Variants in SAMMSON observed in about 807,000 individuals in gnomAD.
SAMMSON encodes survival associated mitochondrial melanoma specific oncogenic non-coding RNA.
chr3:70,303,349 C>T (rs1702368008), intron 7 of SAMMSON, among the ~76,000 whole-genome samples: 1 of 152,058 alleles, frequency 6.6e-6, no homozygotes, highest in Non-Finnish European at 1.5e-5. Flanking sequence ...AGACTCATGG[C>T]CAAAGTTATT....
intron 7 of SAMMSON, among the ~76,000 whole-genome samples, chr3:70,346,601 T>G (rs1702752540): frequency 1.3e-5 from 2 of 152,138 alleles, no homozygotes; most frequent in Admixed American, 6.5e-5. Context: ...GGGAAAAATC[T>G]TCTCAAACAG....
chr3:70,179,532 C>T (rs1701034989), intron 4 of SAMMSON, among the ~76,000 whole-genome samples: 1 of 152,148 alleles, frequency 6.6e-6, no homozygotes, highest in African/African-American at 2.4e-5. Context: ...ACAGGGTACA[C>T]CCCTAATAGA....
chr3:70,317,437 A>G (rs998279556), intron 7 of SAMMSON, among the ~76,000 whole-genome samples: 13 of 151,952 alleles, frequency 8.6e-5, no homozygotes, highest in Non-Finnish European at 1.6e-4. Flanking sequence ...ATGCTATTGT[A>G]CACTTAATAG....
chr3:70,237,206 T>C (rs1014471928), intron 4 of SAMMSON, among the ~76,000 whole-genome samples: 3 of 152,236 alleles, frequency 2.0e-5, no homozygotes, highest in African/African-American at 7.2e-5. Flanking sequence ...TTTTTCCCTT[T>C]GTTAGTATAT....
chr3:70,056,476 T>C (rs2067168111), intron 3 of SAMMSON, among the ~76,000 whole-genome samples: 1 of 152,032 alleles, frequency 6.6e-6, no homozygotes, highest in African/African-American at 2.4e-5. Context: ...GTTTTCTTTT[T>C]GTACATAGTT....
At chr3:70,252,861 C>T (rs1701782164) in intron 6 of SAMMSON, among the ~76,000 whole-genome samples, 1 of 151,850 alleles carries the variant, frequency 6.6e-6, no homozygotes, top group Non-Finnish European at 1.5e-5. Flanking sequence ...AGGCAGATCA[C>T]CTGAGGTCAG....
chr3:70,188,468 G>C (rs1202430268), intron 4 of SAMMSON, among the ~76,000 whole-genome samples: 1 of 152,104 alleles, frequency 6.6e-6, no homozygotes, highest in African/African-American at 2.4e-5. Context: ...TGGTATCTAA[G>C]AGAAGAAAAA....
intron 2 of SAMMSON, among the ~76,000 whole-genome samples, chr3:70,412,236 G>C (rs868463545): frequency 6.6e-6 from 1 of 152,170 alleles, no homozygotes; most frequent in Admixed American, 6.6e-5. Context: ...ATGTGATGTA[G>C]TGTAGGGGTC....
At chr3:70,152,210 C>A (rs367750148) in intron 4 of SAMMSON, among the ~76,000 whole-genome samples, 2 of 151,870 alleles carry the variant, frequency 1.3e-5, no homozygotes, top group South Asian at 4.2e-4. Flanking sequence ...ACTTGATTTG[C>A]GATACCATGA....
rs1310990966 is a variant in SAMMSON, at chr3:70,039,004, A to G, written n.417+25332A>G. Among the ~76,000 whole-genome samples, 4 of 152,116 alleles carry G rather than the reference A, an allele frequency of 2.6e-5. No homozygotes were observed. In the South Asian group the frequency reaches 8.3e-4, roughly 31 times the overall value. On this transcript the variant is annotated intron_variant and non_coding_transcript_variant, in intron 3 of 9. Transcript: ENST00000642114. ...TAGAGCCTGAGACAGGGATGTGGTT[A>G]TGTTATATGTGATTTTTGAGCAACA...
chr3:70,216,063 C>G (rs1372894528), intron 4 of SAMMSON, among the ~76,000 whole-genome samples: 1 of 151,846 alleles, frequency 6.6e-6, no homozygotes, highest in Non-Finnish European at 1.5e-5. Flanking sequence ...ATAATTCTAC[C>G]ATTTTAAACA....
intron 4 of SAMMSON, among the ~76,000 whole-genome samples, chr3:70,247,806 A>G (rs2106647935): frequency 6.6e-6 from 1 of 152,128 alleles, no homozygotes; most frequent in Admixed American, 6.6e-5. Context: ...TTTCAAACAC[A>G]CAAAATAGGG....
intron 6 of SAMMSON, among the ~76,000 whole-genome samples, chr3:70,270,424 G>C (rs996392836): frequency 1.3e-5 from 2 of 152,204 alleles, no homozygotes; most frequent in Admixed American, 1.3e-4. Context: ...ATAAATACAA[G>C]ATCTGTTTAA....
At chr3:70,257,306 G>A (rs1212630253) in intron 6 of SAMMSON, among the ~76,000 whole-genome samples, 2 of 152,166 alleles carry the variant, frequency 1.3e-5, no homozygotes, top group Non-Finnish European at 2.9e-5. Context: ...TTTGGTAATG[G>A]AGATATTGGG....
intron 9 of SAMMSON, among the ~76,000 whole-genome samples, chr3:70,383,700 A>G (rs553299151): frequency 1.1e-4 from 16 of 152,002 alleles, no homozygotes; most frequent in Non-Finnish European, 1.5e-4. Flanking sequence ...AGCTAGCTAG[A>G]TTTCAGTGGA....
chr3:70,419,543 G>C (rs1046663567), intron 2 of SAMMSON, among the ~76,000 whole-genome samples: 1 of 152,128 alleles, frequency 6.6e-6, no homozygotes, highest in South Asian at 2.1e-4. Flanking sequence ...ATTGGAATGA[G>C]GGCTTGAGAA....
intron 7 of SAMMSON, among the ~76,000 whole-genome samples, chr3:70,346,797 A>G (rs1702754629): frequency 6.6e-6 from 1 of 152,216 alleles, no homozygotes; most frequent in Non-Finnish European, 1.5e-5. Context: ...AAAATTGGGC[A>G]TTACAAATGT....
intron 7 of SAMMSON, among the ~76,000 whole-genome samples, chr3:70,328,660 G>T (rs1027845420): frequency 2.0e-5 from 3 of 152,074 alleles, no homozygotes; most frequent in African/African-American, 7.2e-5. Flanking sequence ...ATAAGGAATT[G>T]GGCATCAGTG....
intron 4 of SAMMSON, chr3:70,120,708 A>G (rs1034858898): frequency 1.3e-5 from 2 of 152,198 alleles, no homozygotes; most frequent in Non-Finnish European, 2.9e-5. Context: ...AAAACGCAGG[A>G]GAGTATCCTC....
Sources: gnomAD v4.1 joint callset for allele counts (sites outside exome capture counted in the v4.1 genomes callset) on GRCh38, gnomAD v4.1.1 for gene constraint, MANE v1.5 for transcripts, NCBI Gene and HGNC (gene_info 2026-07-23, HGNC 2026-07-21) for gene names.